Variants in SH3D19 observed in about 807,000 individuals in gnomAD.
The protein encoded by SH3D19 is SH3 domain containing 19.
A neutral mutation model predicts 112.1 loss-of-function variants in SH3D19; 58 were observed. The ratio of observed to expected loss-of-function variants is 0.52; its 90% CI spans 0.42 to 0.64. SH3D19 has a LOEUF of 0.64. Among genes scored for constraint, SH3D19 ranks in the 30% least tolerant of loss-of-function variants. The pLI is 0.00. For missense variants in SH3D19, 1,090 were observed against 1,263.4 expected, an observed-to-expected ratio of 0.86 and a Z score of 2.08; for synonymous variants, 391 against 448.5, an observed-to-expected ratio of 0.87 and a Z score of 1.62.
At chr4:151,250,493 G>A (rs1019817120) in intron 1 of SH3D19, among the ~76,000 whole-genome samples, 2 of 147,676 alleles carry the variant, frequency 1.4e-5, no homozygotes, top group African/African-American at 4.9e-5. Context: ...AATATATATG[G>A]ATATACAGCA....
chr4:151,318,438 G>A (rs1730228381), intron 1 of SH3D19, among the ~76,000 whole-genome samples: 1 of 151,858 alleles, frequency 6.6e-6, no homozygotes, highest in Non-Finnish European at 1.5e-5. Flanking sequence ...GAGTCCTCTA[G>A]AATTAAGATA....
At chr4:151,247,308 A>C (rs1374851246) in intron 1 of SH3D19, among the ~76,000 whole-genome samples, 1 of 152,208 alleles carries the variant, frequency 6.6e-6, no homozygotes, top group Non-Finnish European at 1.5e-5. Context: ...TAGAACAGTT[A>C]AAATAGCATT....
At chr4:151,249,468 G>A (rs574366870) in intron 1 of SH3D19, among the ~76,000 whole-genome samples, 14 of 152,124 alleles carry the variant, frequency 9.2e-5, no homozygotes, top group South Asian at 8.3e-4. Context: ...GTACTATTAT[G>A]TATTAAACAT....
At chr4:151,322,831 G>C (rs967950829) in intron 1 of SH3D19, among the ~76,000 whole-genome samples, 4 of 151,992 alleles carry the variant, frequency 2.6e-5, no homozygotes, top group African/African-American at 9.7e-5. Flanking sequence ...CTTTCTGCTG[G>C]GTTGATAAAA....
chr4:151,310,455 T>A (rs539304832), intron 1 of SH3D19, among the ~76,000 whole-genome samples: 14 of 152,222 alleles, frequency 9.2e-5, no homozygotes, highest in Non-Finnish European at 1.9e-4. Context: ...TGTTGATCGG[T>A]GCACTGGTAT....
Position 151,324,002 on chromosome 4 carries a change from A to C in SH3D19, c.112+1239T>G, listed in dbSNP as rs114375588. Among the ~76,000 whole-genome samples the C allele has an allele frequency of 4.4e-3, 675 of 152,324 alleles. 2 individuals are homozygous for C. The highest frequency in any genetic ancestry group is 0.014 in the African/African-American group (590 of 41,566). On this transcript the variant is annotated intron_variant, in intron 1 of 19. Transcript: ENST00000604030. ...ACTCTTGCAAGAAATATTCACTTATATCCAGCAACTATTCATTATTTCACA... is the reference window on the plus strand; with the variant it reads ...ACTCTTGCAAGAAATATTCACTTATCTCCAGCAACTATTCATTATTTCACA...
intron 2 of SH3D19, among the ~76,000 whole-genome samples, chr4:151,194,861 G>A (rs1763178448): frequency 6.6e-6 from 1 of 151,848 alleles, no homozygotes; most frequent in South Asian, 2.1e-4. Flanking sequence ...TGAGGCAGGT[G>A]GATCGCCACA....
intron 1 of SH3D19, among the ~76,000 whole-genome samples, chr4:151,235,084 C>T (rs927299505): frequency 1.3e-5 from 2 of 152,008 alleles, no homozygotes; most frequent in African/African-American, 4.8e-5. Flanking sequence ...GGTGCATGCG[C>T]AGGTTTGTTA....
At chr4:151,239,845 G>A (rs1039675782) in intron 1 of SH3D19, among the ~76,000 whole-genome samples, 1 of 152,116 alleles carries the variant, frequency 6.6e-6, no homozygotes, top group East Asian at 1.9e-4. Context: ...CTAATAGAGG[G>A]GGTAACATGT....
intron 1 of SH3D19, among the ~76,000 whole-genome samples, chr4:151,310,582 T>C (rs79090780): frequency 4.9e-5 from 7 of 143,292 alleles, no homozygotes; most frequent in South Asian, 2.2e-4. Context: ...CTCTCTCTCT[T>C]TTTTTTTTTT....
chr4:151,127,699 C>G lies in SH3D19; in HGVS notation c.2946G>C (p.Met982Ile). 6.3e-7 allele frequency: 1 copy of G among 1,596,914 alleles called. No individual in the cohort carries two copies. The highest frequency in any genetic ancestry group is 8.5e-7 in the Non-Finnish European group (1 of 1,174,834). The change falls in exon 19 of 20, where the codon ATG becomes ATC. Residue 982 changes from methionine (M) to isoleucine (I), a missense_variant. By Grantham distance (10) the Met-to-Ile change is conservative. Coordinates refer to ENST00000604030, the MANE Select transcript of SH3D19 (RefSeq NM_001378122.1). ...VRPCPAEAKS[M>I]LAIVPKGRKA... ...TCCTCCCCTTCGGTACTATGGCCAA[C>G]ATACTTTTTGCCTCAGCTGTGAAGA...
chr4:151,262,426 C>T (rs1222235519), intron 1 of SH3D19: 3 of 152,216 alleles, frequency 2.0e-5, no homozygotes, highest in Non-Finnish European at 4.4e-5. Flanking sequence ...TTGAGCTCAT[C>T]ATCAGTGAAG....
rs191179556 is a variant in SH3D19 at position 151,173,886 on chromosome 4, T to C, written c.1534+784A>G. Among the ~76,000 whole-genome samples the C allele has an allele frequency of 3.7e-3, 562 of 152,280 alleles. 2 individuals carry two copies. Among genetic ancestry groups the C allele is most frequent in the African/African-American group, 0.012 (493 of 41,546 alleles). On this transcript the variant is annotated intron_variant, in intron 7 of 19. Coordinates refer to ENST00000604030, the MANE Select transcript of SH3D19 (RefSeq NM_001378122.1). ...AATAAGTCAACAGCAGTAAAAGAAA[T>C]CTTATCAATGACAAGTAGAGCAGCT... is the stretch of plus-strand genomic sequence containing the variant.
chr4:151,306,452 T>C (rs1728920512), intron 1 of SH3D19, among the ~76,000 whole-genome samples: 1 of 152,172 alleles, frequency 6.6e-6, no homozygotes, highest in African/African-American at 2.4e-5. Flanking sequence ...AAATAAATGA[T>C]TGATGAATAT....
At chr4:151,279,911 C>T (rs772827740) in intron 1 of SH3D19, 3 of 1,613,702 alleles carry the variant, frequency 1.9e-6, no homozygotes, top group Non-Finnish European at 2.5e-6. Flanking sequence ...GTGGAGGTTC[C>T]CTCGTCAGTG....
chr4:151,165,300 C>A (rs1757814925), intron 8 of SH3D19, among the ~76,000 whole-genome samples: 1 of 151,752 alleles, frequency 6.6e-6, no homozygotes, highest in African/African-American at 2.4e-5. Flanking sequence ...TGAGATTGTG[C>A]CACTGCACTC....
intron 1 of SH3D19, among the ~76,000 whole-genome samples, chr4:151,243,567 A>C (rs1770710580): frequency 6.6e-6 from 1 of 152,260 alleles, no homozygotes; most frequent in Admixed American, 6.5e-5. Context: ...AGTGGCAGAA[A>C]TTAAGTCCTA....
At chr4:151,166,762 T>A (rs1048125106) in intron 7 of SH3D19, among the ~76,000 whole-genome samples, 1 of 152,176 alleles carries the variant, frequency 6.6e-6, no homozygotes, top group Non-Finnish European at 1.5e-5. Flanking sequence ...TGTAATTCAA[T>A]AAGCACCTTT....
Position 151,176,821 on chromosome 4 carries a change from G to A in SH3D19, c.371C>T (p.Ala124Val), listed in dbSNP as rs1000501856. Residue 124 changes from alanine to valine, a missense_variant, in exon 5 of 20, where the codon GCT becomes GTT. Transcript: ENST00000604030. ...GATAATGTAATGTTTATTCACCTCA[G>A]CAGGAACCAGCTCATTAGGCCTCCA... ...GSWRPNELVP[A>V]ELPPSYEQVI... 16 of 1,231,948 alleles carry A rather than the reference G, an allele frequency of 1.3e-5. No homozygotes were observed. Among genetic ancestry groups the A allele is most frequent in the Middle Eastern group, 6.2e-4 (2 of 3,230 alleles). The allele number at this position is 1,231,948 out of a possible 1,614,324, so 76.3% of individuals were successfully genotyped here. A position where few individuals can be genotyped will look rare whatever the true frequency, so the allele number is the denominator to read the frequency against.
Sources: allele counts gnomAD v4.1 joint callset (sites outside exome capture counted in the v4.1 genomes callset), GRCh38; gene constraint gnomAD v4.1.1; transcripts MANE v1.5; gene names NCBI Gene and HGNC (gene_info 2026-07-23, HGNC 2026-07-21).